The following EFHB variants were observed in gnomAD, a reference collection of about 807,000 sequenced individuals.
The protein encoded by EFHB is EF-hand domain-containing family member B.
EFHB carries 91 observed loss-of-function variants against 87.2 expected under a neutral mutation model. The ratio of observed to expected loss-of-function variants is 1.04; its 90% CI spans 0.88 to 1.24. The LOEUF is 1.24. Among genes scored for constraint, EFHB ranks in the 50% most tolerant of loss-of-function variants. The pLI, the probability that EFHB is intolerant of heterozygous loss-of-function variation, is 0.00. For missense variants in EFHB, 1,084 were observed against 998.8 expected, an observed-to-expected ratio of 1.09 and a Z score of -1.15; for synonymous variants, 325 against 333.6, an observed-to-expected ratio of 0.97 and a Z score of 0.28.
At chr3:19,941,923 G>T (rs112559280) in intron 1 of EFHB, among the ~76,000 whole-genome samples, 57 of 98,462 alleles carry the variant, frequency 5.8e-4, no homozygotes, top group Middle Eastern at 4.9e-3. Context: ...GGAGGCTGAG[G>T]GGGGGCAGAT....
At chr3:19,921,048 AAAAT>A (rs375657481) in intron 1 of EFHB, among the ~76,000 whole-genome samples, 2 of 152,182 alleles carry the variant, frequency 1.3e-5, no homozygotes, top group Non-Finnish European at 2.9e-5. Flanking sequence ...CTTGCCTCCG[AAAAT>A]AAATAAATAA....
rs976640599 is a variant in EFHB, at chr3:19,933,313, T to G, written c.706A>C (p.Ile236Leu). Residue 236 changes from isoleucine to leucine, a missense_variant, in exon 1 of 13, where the codon ATT becomes CTT. Physicochemically the swap from Ile to Leu is conservative, Grantham distance 5. Transcript: ENST00000295824. ...TCTGGAGGTTCCACTCCTGATTCAA[T>G]GTTTCCAGCCTCCTTTCTCTGTTCA... is the stretch of plus-strand genomic sequence containing the variant. The part of the protein sequence containing the change: ...QHEQRKEAGN[I>L]ESGVEPPDRI... 6.2e-7 allele frequency: 1 copy of G among 1,613,900 alleles called. No homozygotes were observed. The highest frequency in any genetic ancestry group is 1.3e-5 in the African/African-American group (1 of 74,922).
intron 10 of EFHB, among the ~76,000 whole-genome samples, chr3:19,886,542 C>G (rs1694105871): frequency 6.6e-6 from 1 of 151,768 alleles, no homozygotes; most frequent in African/African-American, 2.4e-5. Context: ...CAGGAGTTCA[C>G]AACCAGCCTG....
In EFHB at chr3:19,884,622, G is replaced by T. The variant is rs957290063; in HGVS notation, c.1934-7C>A. ...ACACAATCTGGTTTTCTACCTTTAA[G>T]GAAAATAAATGAAAGAAAAAATGCA... On this transcript the variant is annotated splice_region_variant and splice_polypyrimidine_tract_variant and intron_variant, in intron 10 of 12. Transcript: ENST00000295824. The T allele has an allele frequency of 4.4e-6, 7 of 1,609,028 alleles. No homozygotes were observed. Among genetic ancestry groups the T allele is most frequent in the Non-Finnish European group, 5.9e-6 (7 of 1,178,436 alleles).
intron 9 of EFHB, 134 bp downstream of exon 9, chr3:19,896,552 TA>T: frequency 8.3e-7 from 1 of 1,205,582 alleles, no homozygotes; most frequent in Non-Finnish European, 1.2e-6. Context: ...TGTGTTCCAG[TA>T]AAACTTTACT....
chr3:19,920,821 T>A (rs1695413602), intron 1 of EFHB, among the ~76,000 whole-genome samples: 1 of 152,222 alleles, frequency 6.6e-6, no homozygotes, highest in South Asian at 2.1e-4. Context: ...TAGTGATTCA[T>A]CCAGTTACAG....
rs192843593 is a variant in EFHB, at chr3:19,929,670, C to A, written c.789+3560G>T. Among the ~76,000 whole-genome samples the A allele has an allele frequency of 1.2e-4, 16 of 133,880 alleles. No individual in the cohort carries two copies. The East Asian group carries it at 3.4e-3, about 28-fold the overall frequency. 87.8% of individuals were successfully genotyped at this position (133,880 alleles called of 152,430 possible). On this transcript the variant is annotated intron_variant, in intron 1 of 12. Transcript: ENST00000295824. The stretch of plus-strand genomic sequence containing the variant: ...ATTGCAGCGAGCCGAGATGGTGCCA[C>A]TGCACTCCAGCCTGGGCGAGAGCGT...
intron 9 of EFHB, among the ~76,000 whole-genome samples, chr3:19,891,638 T>G (rs538933944): frequency 6.6e-6 from 1 of 152,140 alleles, no homozygotes; most frequent in Non-Finnish European, 1.5e-5. Flanking sequence ...TGGAAAACAA[T>G]AAAATAGCAG....
chr3:19,889,263 A>G (rs999998433), intron 9 of EFHB, among the ~76,000 whole-genome samples: 1 of 152,202 alleles, frequency 6.6e-6, no homozygotes, highest in Non-Finnish European at 1.5e-5. Context: ...CACTTGGGAG[A>G]TGAAGGGGCA....
At chr3:19,925,477 T>C (rs971906146) in intron 1 of EFHB, among the ~76,000 whole-genome samples, 1 of 152,116 alleles carries the variant, frequency 6.6e-6, no homozygotes, top group Non-Finnish European at 1.5e-5. Flanking sequence ...TCTCTGTCAG[T>C]GAGAAAAGGG....
intron 3 of EFHB, among the ~76,000 whole-genome samples, chr3:19,919,221 G>C (rs1695350380): frequency 6.6e-6 from 1 of 152,010 alleles, no homozygotes; most frequent in Admixed American, 6.6e-5. Context: ...TTTTGAGATG[G>C]AGTTTCGGTC....
In EFHB at chr3:19,933,784, T is replaced by G. The variant is rs774694379; in HGVS notation, c.235A>C (p.Ile79Leu). 2 of 1,613,830 alleles carry G rather than the reference T, an allele frequency of 1.2e-6. No homozygotes were observed. Among genetic ancestry groups the G allele is most frequent in the African/African-American group, 2.7e-5 (2 of 74,896 alleles). The stretch of plus-strand genomic sequence containing the variant: ...CCCCTCTGCATGACAGTCCTAGAAA[T>G]ATTCTGTCTTTCTAATCCCATTTCA... ...GLEMGLERQN[I>L]SRTVMQRGSL... Residue 79 changes from isoleucine to leucine, a missense_variant, in exon 1 of 13, where the codon ATT becomes CTT. Physicochemically the swap from Ile to Leu is conservative, Grantham distance 5 (BLOSUM62 2). Coordinates refer to ENST00000295824, the MANE Select transcript of EFHB (RefSeq NM_144715.4).
At chr3:19,919,744 T>C in intron 3 of EFHB, 89 bp downstream of exon 3, 1 of 1,293,282 alleles carries the variant, frequency 7.7e-7, no homozygotes, top group Non-Finnish European at 1.1e-6. Context: ...GGAAGGAGAT[T>C]GGAACTGATG....
intron 9 of EFHB, chr3:19,894,989 A>AAAAAAAATATATATATAT (rs369564576): frequency 6.9e-6 from 1 of 144,524 alleles, no homozygotes; most frequent in African/African-American, 2.6e-5. Context: ...TGTCTCAAAA[A>AAAAAAAATATATATATAT]ATATATATAT....
At chr3:19,899,308 C>T in intron 7 of EFHB, 124 bp downstream of exon 7, 1 of 668,466 alleles carries the variant, frequency 1.5e-6, no homozygotes, top group Admixed American at 3.8e-5. Flanking sequence ...AACTGATTAA[C>T]AATAAAATAA....
At chr3:19,899,349 T>C in intron 7 of EFHB, 83 bp downstream of exon 7, 1 of 888,712 alleles carries the variant, frequency 1.1e-6, no homozygotes, top group East Asian at 2.6e-5. Context: ...TAGAATCTAA[T>C]AGGCACACCA....
intron 4 of EFHB, among the ~76,000 whole-genome samples, chr3:19,917,552 A>ACC (rs1695276444): frequency 6.6e-6 from 1 of 152,112 alleles, no homozygotes; most frequent in Non-Finnish European, 1.5e-5. Context: ...CTATGGTAAG[A>ACC]CTCCTAGAGG....
chr3:19,940,824 C>T (rs1696141430), intron 1 of EFHB: 2 of 386,486 alleles, frequency 5.2e-6, no homozygotes, highest in African/African-American at 4.2e-5. Context: ...AAGCAGGTTG[C>T]TATCCTTGGT....
intron 1 of EFHB, among the ~76,000 whole-genome samples, chr3:19,945,548 G>A (rs1030709168): frequency 9.2e-5 from 14 of 152,170 alleles, no homozygotes; most frequent in Middle Eastern, 3.2e-3. Flanking sequence ...TGACTGGGAG[G>A]ATGTTAATGC....
Sources: allele counts gnomAD v4.1 joint callset (sites outside exome capture counted in the v4.1 genomes callset), GRCh38; gene constraint gnomAD v4.1.1; transcripts MANE v1.5; gene names NCBI Gene and HGNC (gene_info 2026-07-23, HGNC 2026-07-21).